The following KIAA1328 variants were observed in gnomAD, a reference collection of about 807,000 sequenced individuals.
The protein encoded by KIAA1328 is KIAA1328, also known as protein hinderin.
KIAA1328 carries 52 observed loss-of-function variants against 68.1 expected under a neutral mutation model. The ratio of observed to expected loss-of-function variants is 0.76; its 90% CI spans 0.61 to 0.96. KIAA1328 has a LOEUF of 0.96. Ranked by LOEUF, KIAA1328 falls within the 40% of genes least tolerant of loss-of-function variation. The pLI, the probability that KIAA1328 is intolerant of heterozygous loss-of-function variation, is 0.00. For missense variants in KIAA1328, 641 were observed against 677.6 expected (o/e 0.95, Z 0.60); for synonymous variants, 232 against 239.4 (o/e 0.97, Z 0.28).
intron 6 of KIAA1328, among the ~76,000 whole-genome samples, chr18:36,971,158 C>A (rs2052189692): frequency 6.6e-6 from 1 of 152,172 alleles, no homozygotes; most frequent in Admixed American, 6.5e-5. Context: ...ACATCTACAA[C>A]CATCTGATCT....
chr18:37,100,034 G>A (rs558756371), intron 7 of KIAA1328, among the ~76,000 whole-genome samples: 1 of 152,134 alleles, frequency 6.6e-6, no homozygotes, highest in African/African-American at 2.4e-5. Context: ...TATCCAATTT[G>A]CCAGTCTGTG....
rs929511718 is a variant in KIAA1328, at chr18:37,101,807, A to C, written c.1232+34262A>C. On this transcript the variant is annotated intron_variant, in intron 7 of 9. Coordinates refer to ENST00000280020, the MANE Select transcript of KIAA1328 (RefSeq NM_020776.3). Reference sequence around the variant, plus strand: ...CCACAAAGGGAAACCCATCAGACTAACAGCTGATCTCTGGGCAGAAACTCT... The same window carrying C: ...CCACAAAGGGAAACCCATCAGACTACCAGCTGATCTCTGGGCAGAAACTCT... Among the ~76,000 whole-genome samples the C allele has an allele frequency of 2.0e-5, 3 of 152,246 alleles. No individual in the cohort carries two copies. In the South Asian group the frequency reaches 6.2e-4, roughly 31 times the overall value.
chr18:37,001,317 A>G (rs574230259), intron 6 of KIAA1328, among the ~76,000 whole-genome samples: 5 of 152,154 alleles, frequency 3.3e-5, no homozygotes, highest in Non-Finnish European at 5.9e-5. Flanking sequence ...CCAAGATTGA[A>G]TCAGGAAGAA....
At chr18:36,963,911 T>C (rs1410616304) in intron 6 of KIAA1328, among the ~76,000 whole-genome samples, 3 of 152,362 alleles carry the variant, frequency 2.0e-5, no homozygotes, top group Admixed American at 6.5e-5. Context: ...TTTCATTAAT[T>C]TGTATTTAAC....
At chr18:37,212,188 C>T (rs1261231629) in intron 9 of KIAA1328, among the ~76,000 whole-genome samples, 1 of 152,178 alleles carries the variant, frequency 6.6e-6, no homozygotes, top group Non-Finnish European at 1.5e-5. Flanking sequence ...AGAAGCAGTA[C>T]TCCAGTCATT....
chr18:37,174,282 C>T (rs981085851), intron 9 of KIAA1328, among the ~76,000 whole-genome samples: 2 of 151,962 alleles, frequency 1.3e-5, no homozygotes, highest in Non-Finnish European at 2.9e-5. Flanking sequence ...AATATTGTAA[C>T]AGTTGACAAT....
intron 7 of KIAA1328, among the ~76,000 whole-genome samples, chr18:37,100,042 G>T (rs577123701): frequency 2.4e-4 from 36 of 152,210 alleles, no homozygotes; most frequent in Admixed American, 1.3e-3. Flanking sequence ...TTGCCAGTCT[G>T]TGTCTTTTAA....
At chr18:37,226,715 C>CTTTTTTTTT (rs763991741), downstream of KIAA1328, among the ~76,000 whole-genome samples, 2 of 128,680 alleles carry the variant, frequency 1.6e-5, no homozygotes, top group Non-Finnish European at 3.2e-5. Flanking sequence ...GGGTTGTTCC[C>CTTTTTTTTT]TTTTTTTTTT....
intron 7 of KIAA1328, among the ~76,000 whole-genome samples, chr18:37,099,325 G>T (rs1366808134): frequency 1.3e-5 from 2 of 152,102 alleles, no homozygotes; most frequent in East Asian, 3.9e-4. Flanking sequence ...CCTTCATTTT[G>T]TTGTGTACCC....
downstream of KIAA1328, chr18:37,225,455 C>T: frequency 9.5e-6 from 3 of 315,342 alleles, no homozygotes; most frequent in Non-Finnish European, 1.4e-5. Context: ...CTTGTTAAAA[C>T]AGCAGGAGCC....
rs2047024342 is a variant in KIAA1328, at chr18:36,846,281, T to TA, written c.332+1980dup. On this transcript the variant is annotated intron_variant, in intron 4 of 9. Coordinates refer to ENST00000280020, the MANE Select transcript of KIAA1328 (RefSeq NM_020776.3). ...CTGGTTTGAAATAGTTAAGTATACT[T>TA]ACGTCTCTTTTATCTTAAAAATGCT... Among the ~76,000 whole-genome samples, 5 of 151,762 alleles carry TA rather than the reference T, an allele frequency of 3.3e-5. No individual in the cohort carries two copies. The South Asian group carries it at 1.0e-3, about 31-fold the overall frequency.
chr18:37,217,870 T>C (rs2060477467), intron 9 of KIAA1328, among the ~76,000 whole-genome samples: 1 of 152,244 alleles, frequency 6.6e-6, no homozygotes, highest in Non-Finnish European at 1.5e-5. Flanking sequence ...TTCGTTTCTT[T>C]TTACTCTTTT....
intron 7 of KIAA1328, among the ~76,000 whole-genome samples, chr18:37,103,879 A>G (rs753297004): frequency 6.6e-6 from 1 of 152,006 alleles, no homozygotes; most frequent in Non-Finnish European, 1.5e-5. Context: ...GTATTTCTCA[A>G]AAGAAGACAA....
At chr18:37,142,411 C>T (rs1315352750) in intron 7 of KIAA1328, among the ~76,000 whole-genome samples, 1 of 152,036 alleles carries the variant, frequency 6.6e-6, no homozygotes, top group Non-Finnish European at 1.5e-5. Context: ...AGGCTGTTCT[C>T]GAACTCCTGA....
intron 9 of KIAA1328, among the ~76,000 whole-genome samples, chr18:37,188,031 A>G (rs1332136092): frequency 6.6e-6 from 1 of 152,244 alleles, no homozygotes; most frequent in Non-Finnish European, 1.5e-5. Context: ...TAGATTACCC[A>G]TGAAAGAAAG....
intron 9 of KIAA1328, among the ~76,000 whole-genome samples, chr18:37,212,515 A>G (rs1029909346): frequency 6.6e-6 from 1 of 152,230 alleles, no homozygotes; most frequent in African/African-American, 2.4e-5. Flanking sequence ...TAAAGGTGCT[A>G]GAATATAAAG....
chr18:37,066,893 T>C lies in KIAA1328; in HGVS notation c.580T>C (p.Ser194Pro), dbSNP rs752099998. The change falls in exon 7 of 10, where the codon TCC becomes CCC. Residue 194 changes from serine to proline, a missense_variant. Physicochemically the swap from Ser to Pro is moderately conservative, Grantham distance 74. Transcript: ENST00000280020. ...GAARMQEQQV[S>P]SRKSTLQCSS... ...GTGATCTTGTGGTTCTTTCTAGGTA[T>C]CCAGTAGAAAAAGCACTCTCCAGTG... 3.2e-6 allele frequency: 5 copies of C among 1,577,702 alleles called. No individual in the cohort carries two copies. In the South Asian group the frequency reaches 5.9e-5, roughly 19 times the overall value.
At chr18:37,169,817 G>A (rs2059465848) in intron 8 of KIAA1328, among the ~76,000 whole-genome samples, 1 of 152,080 alleles carries the variant, frequency 6.6e-6, no homozygotes, top group Non-Finnish European at 1.5e-5. Context: ...AAATAAATGA[G>A]CACACATATA....
intron 6 of KIAA1328, among the ~76,000 whole-genome samples, chr18:37,039,149 C>G (rs766501642): frequency 3.3e-5 from 5 of 151,982 alleles, no homozygotes; most frequent in Non-Finnish European, 7.4e-5. Flanking sequence ...GTCTACATTC[C>G]TAGGAATATA....
Sources: allele counts gnomAD v4.1 joint callset (sites outside exome capture counted in the v4.1 genomes callset), GRCh38; gene constraint gnomAD v4.1.1; transcripts MANE v1.5; gene names NCBI Gene and HGNC (gene_info 2026-07-23, HGNC 2026-07-21).